POU6F2: variants seen among roughly 807,000 people sequenced by gnomAD.
POU6F2 encodes POU domain, class 6, transcription factor 2.
POU6F2 carries 31 observed loss-of-function variants against 71.3 expected under a neutral mutation model. That is an observed-to-expected ratio of 0.43 (90% CI 0.33 to 0.59). The LOEUF (loss-of-function observed/expected upper bound fraction) is 0.59. Ranked by LOEUF, POU6F2 falls within the 20% of genes least tolerant of loss-of-function variation. POU6F2 has a pLI of 0.04. For missense variants in POU6F2, 783 were observed against 856.8 expected, an observed-to-expected ratio of 0.91 and a Z score of 1.07; for synonymous variants, 347 against 355.7, an observed-to-expected ratio of 0.98 and a Z score of 0.27.
At chr7:39,222,329 T>C (rs1794383019) in intron 4 of POU6F2, among the ~76,000 whole-genome samples, 1 of 152,234 alleles carries the variant, frequency 6.6e-6, no homozygotes, top group African/African-American at 2.4e-5. Flanking sequence ...AAGGATCCAT[T>C]ATTCAGTCTG....
At chr7:39,260,486 C>G (rs1784113606) in intron 4 of POU6F2, among the ~76,000 whole-genome samples, 1 of 143,860 alleles carries the variant, frequency 7.0e-6, no homozygotes, top group South Asian at 2.2e-4. Context: ...ACACACAAGC[C>G]ACACACACAT....
chr7:39,360,345 A>C (rs1786352402), intron 5 of POU6F2, among the ~76,000 whole-genome samples: 1 of 152,228 alleles, frequency 6.6e-6, no homozygotes, highest in Non-Finnish European at 1.5e-5. Flanking sequence ...TACTGAATGT[A>C]CTTTTAGAGG....
intron 4 of POU6F2, among the ~76,000 whole-genome samples, chr7:39,327,266 G>A (rs1228145889): frequency 3.5e-5 from 5 of 144,232 alleles, no homozygotes; most frequent in Admixed American, 7.0e-5. Context: ...GTGACAGAGG[G>A]AGACTCTGTC....
At chr7:39,077,169 T>C (rs1791019336) in intron 1 of POU6F2, among the ~76,000 whole-genome samples, 2 of 152,238 alleles carry the variant, frequency 1.3e-5, no homozygotes. Context: ...TAGATGAGCC[T>C]GGATTGAACT....
chr7:39,196,407 T>C (rs1219035048), intron 2 of POU6F2, among the ~76,000 whole-genome samples: 1 of 152,198 alleles, frequency 6.6e-6, no homozygotes, highest in African/African-American at 2.4e-5. Context: ...TGATTTCTTA[T>C]TGGGGAAAAA....
At chr7:39,295,012 A>G (rs1181661541) in intron 4 of POU6F2, among the ~76,000 whole-genome samples, 1 of 152,180 alleles carries the variant, frequency 6.6e-6, no homozygotes, top group East Asian at 1.9e-4. Flanking sequence ...ACAATACTTC[A>G]TGGATTCAGA....
chr7:39,019,201 T>A (rs1003031219), intron 1 of POU6F2, among the ~76,000 whole-genome samples: 3 of 152,178 alleles, frequency 2.0e-5, no homozygotes, highest in African/African-American at 7.2e-5. Flanking sequence ...TCTCTACTCT[T>A]GATTGATAGC....
chr7:39,017,404 C>T (rs1049957174), intron 1 of POU6F2, among the ~76,000 whole-genome samples: 1 of 152,100 alleles, frequency 6.6e-6, no homozygotes, highest in African/African-American at 2.4e-5. Flanking sequence ...CATCTTTAGT[C>T]GCTGTTATTG....
chr7:39,369,504 G>A (rs1278224474), intron 5 of POU6F2, among the ~76,000 whole-genome samples: 1 of 151,858 alleles, frequency 6.6e-6, no homozygotes, highest in Non-Finnish European at 1.5e-5. Context: ...GGGATTACAG[G>A]CACCCACAAC....
At position 39,352,681 on chromosome 7, in the gene POU6F2, G is replaced by A. The variant is rs58239224; in HGVS notation, c.972+12666G>A. Among the ~76,000 whole-genome samples the A allele has an allele frequency of 3.0e-3, 462 of 152,240 alleles. 2 individuals are homozygous for A. Among genetic ancestry groups the A allele is most frequent in the Middle Eastern group, 0.01 (3 of 294 alleles). On this transcript the variant is annotated intron_variant, in intron 5 of 9. Coordinates refer to ENST00000518318, the MANE Select transcript of POU6F2 (RefSeq NM_001370959.1). ...AGAAATAGTCACTCCTGTTTGAATG[G>A]GGAATTTACTTTATAATAATTGGAA...
At chr7:39,111,295 A>T (rs1409449621) in intron 2 of POU6F2, among the ~76,000 whole-genome samples, 1 of 152,180 alleles carries the variant, frequency 6.6e-6, no homozygotes, top group Non-Finnish European at 1.5e-5. Context: ...TTTAGGCAGG[A>T]TTATCATGGT....
chr7:39,060,238 T>G (rs1344258776), intron 1 of POU6F2, among the ~76,000 whole-genome samples: 1 of 151,534 alleles, frequency 6.6e-6, no homozygotes, highest in South Asian at 2.1e-4. Flanking sequence ...ACAGATAAAC[T>G]CATATATATT....
At chr7:39,142,181 C>T (rs1184072707) in intron 2 of POU6F2, among the ~76,000 whole-genome samples, 7 of 152,134 alleles carry the variant, frequency 4.6e-5, no homozygotes, top group Non-Finnish European at 4.4e-5. Context: ...AATGTAAGGT[C>T]ATCTCTTTAA....
intron 2 of POU6F2, among the ~76,000 whole-genome samples, chr7:39,142,889 G>A (rs944077800): frequency 5.9e-5 from 9 of 152,120 alleles, no homozygotes; most frequent in Non-Finnish European, 1.0e-4. Flanking sequence ...AATGTATATG[G>A]ATCTATAAAA....
intron 1 of POU6F2, among the ~76,000 whole-genome samples, chr7:39,032,777 A>C (rs1210013041): frequency 6.6e-6 from 1 of 152,190 alleles, no homozygotes; most frequent in Non-Finnish European, 1.5e-5. Context: ...AACCACTTTA[A>C]CACAGAGCAG....
chr7:39,343,434 C>T (rs939978785), intron 5 of POU6F2, among the ~76,000 whole-genome samples: 6 of 150,672 alleles, frequency 4.0e-5, no homozygotes, highest in Non-Finnish European at 5.9e-5. Flanking sequence ...AAATTCAATA[C>T]GTAATTTTAA....
chr7:39,053,089 T>C (rs922254462), intron 1 of POU6F2, among the ~76,000 whole-genome samples: 2 of 152,044 alleles, frequency 1.3e-5, no homozygotes, highest in Admixed American at 1.3e-4. Flanking sequence ...TACATTCCAT[T>C]TTTTCAAAGG....
intron 5 of POU6F2, among the ~76,000 whole-genome samples, chr7:39,368,627 A>T (rs1786551893): frequency 6.6e-6 from 1 of 152,252 alleles, no homozygotes; most frequent in African/African-American, 2.4e-5. Flanking sequence ...TAAGGCTTTC[A>T]TAGCTAGAAA....
intron 1 of POU6F2, among the ~76,000 whole-genome samples, chr7:38,998,633 G>C (rs747908270): frequency 6.6e-6 from 1 of 150,928 alleles, no homozygotes; most frequent in Non-Finnish European, 1.5e-5. Flanking sequence ...AAGCAGTAAA[G>C]ATATTCTTGG....
Sources: allele counts gnomAD v4.1 joint callset (sites outside exome capture counted in the v4.1 genomes callset), GRCh38; gene constraint gnomAD v4.1.1; transcripts MANE v1.5; gene names NCBI Gene and HGNC (gene_info 2026-07-23, HGNC 2026-07-21).